Variants in EML6 observed in about 807,000 individuals in gnomAD.
EML6 encodes the protein EMAP like 6.
EML6 carries 154 observed loss-of-function variants against 240.1 expected under a neutral mutation model. The ratio of observed to expected loss-of-function variants is 0.64; its 90% CI spans 0.56 to 0.73. The LOEUF (loss-of-function observed/expected upper bound fraction) is 0.73, where lower values mean the gene tolerates loss of function less well. Ranked by LOEUF, EML6 falls within the 30% of genes least tolerant of loss-of-function variation. The pLI, the probability that EML6 is intolerant of heterozygous loss-of-function variation, is 0.00. For synonymous variants in EML6, 1,148 were observed against 899.0 expected, an observed-to-expected ratio of 1.28 and a Z score of -4.95; for missense variants, 2,964 against 2,474.6, an observed-to-expected ratio of 1.20 and a Z score of -4.20.
At chr2:54,873,970 G>A (rs1184081374) in intron 16 of EML6, among the ~76,000 whole-genome samples, 1 of 151,980 alleles carries the variant, frequency 6.6e-6, no homozygotes, top group African/African-American at 2.4e-5. Flanking sequence ...GACTGCAAAT[G>A]AGAATGTGCA....
intron 2 of EML6, among the ~76,000 whole-genome samples, chr2:54,776,904 T>C (rs953091242): frequency 6.6e-6 from 1 of 152,226 alleles, no homozygotes; most frequent in Admixed American, 6.5e-5. Flanking sequence ...ATGTGACTTA[T>C]GTCTTGTTTT....
At chr2:54,893,841 T>G (rs1021625501) in intron 19 of EML6, among the ~76,000 whole-genome samples, 21 of 152,072 alleles carry the variant, frequency 1.4e-4, no homozygotes, top group Admixed American at 2.6e-4. Context: ...AAGGTGTTGT[T>G]TTGTTTTGTT....
intron 41 of EML6, among the ~76,000 whole-genome samples, chr2:54,969,789 A>T (rs1276932282): frequency 6.6e-6 from 1 of 152,224 alleles, no homozygotes; most frequent in Non-Finnish European, 1.5e-5. Context: ...AACAGGAGAG[A>T]GTGTGATATC....
At chr2:54,943,040 G>T (rs924612443) in intron 28 of EML6, among the ~76,000 whole-genome samples, 1 of 152,084 alleles carries the variant, frequency 6.6e-6, no homozygotes, top group African/African-American at 2.4e-5. Flanking sequence ...CTGCCTGGCT[G>T]CTGCACATGG....
At chr2:54,955,823 G>A (rs563359101) in intron 32 of EML6, among the ~76,000 whole-genome samples, 4 of 152,154 alleles carry the variant, frequency 2.6e-5, no homozygotes, top group African/African-American at 7.2e-5. Context: ...GTGACCTATC[G>A]CTAGCCACCA....
At chr2:54,744,385 T>C (rs1683804155) in intron 2 of EML6, among the ~76,000 whole-genome samples, 1 of 151,988 alleles carries the variant, frequency 6.6e-6, no homozygotes, top group Non-Finnish European at 1.5e-5. Context: ...TGCAGGAACA[T>C]GTAGGTGATT....
At chr2:54,967,157 C>A in intron 39 of EML6, 54 bp downstream of exon 39, 1 of 1,131,516 alleles carries the variant, frequency 8.8e-7, no homozygotes, top group Non-Finnish European at 1.3e-6. Context: ...AGTCTCTTGT[C>A]TCACTCAGGC....
chr2:54,788,520 G>A (rs1332623354), intron 2 of EML6, among the ~76,000 whole-genome samples: 1 of 152,136 alleles, frequency 6.6e-6, no homozygotes, highest in Non-Finnish European at 1.5e-5. Flanking sequence ...ATCTGGGGCC[G>A]CCCCCCGCCC....
intron 36 of EML6, 61 bp downstream of exon 36, chr2:54,962,772 G>T: frequency 7.4e-7 from 1 of 1,346,096 alleles, no homozygotes; most frequent in East Asian, 2.7e-5. Context: ...AGTGGGAGCT[G>T]AGCGAGGAGA....
In EML6 at chr2:54,961,184, G is replaced by GTTGTTTTTTTTTTTTTGTTTTTTTT; in HGVS notation, c.4968+852_4968+853insGTTTTTTTTTTTTTGTTTTTTTTTT. ...GGAGCCTGGAAGTTATCAGGAAGTA[G>GTTGTTTTTTTTTTTTTGTTTTTTTT]TTTTTTTTTTTTTTTTTTTGAGACG... On this transcript the variant is annotated intron_variant, in intron 35 of 41. Coordinates refer to ENST00000356458, the MANE Select transcript of EML6 (RefSeq NM_001039753.4). 1.6e-4 allele frequency among the ~76,000 whole-genome samples: 9 copies of GTTGTTTTTTTTTTTTTGTTTTTTTT among 55,410 alleles called. 1 individual carries two copies. Among genetic ancestry groups the GTTGTTTTTTTTTTTTTGTTTTTTTT allele is most frequent in the South Asian group, 1.4e-3 (2 of 1,454 alleles). The allele number at this position is 55,410 out of a possible 152,430, so 36.4% of individuals were successfully genotyped here.
chr2:54,742,988 G>A (rs1683722877), intron 2 of EML6, among the ~76,000 whole-genome samples: 1 of 152,076 alleles, frequency 6.6e-6, no homozygotes, highest in African/African-American at 2.4e-5. Context: ...TCTGGCCACA[G>A]GAAAATCACT....
chr2:54,940,476 A>G (rs770304424), intron 28 of EML6, among the ~76,000 whole-genome samples: 30 of 152,216 alleles, frequency 2.0e-4, no homozygotes, highest in Non-Finnish European at 3.1e-4. Context: ...ACTGGATTAT[A>G]AACTGTGTAG....
At chr2:54,923,908 CT>C (rs1674401680) in intron 26 of EML6, among the ~76,000 whole-genome samples, 1 of 152,136 alleles carries the variant, frequency 6.6e-6, no homozygotes, top group Admixed American at 6.6e-5. Context: ...TATCCAGCTT[CT>C]TTCACTCAGA....
intron 2 of EML6, among the ~76,000 whole-genome samples, chr2:54,785,130 C>T (rs542414708): frequency 1.7e-4 from 26 of 149,496 alleles, no homozygotes; most frequent in Non-Finnish European, 3.1e-4. Flanking sequence ...ATGAAAAATA[C>T]GAGAGAACTT....
chr2:54,871,390 A>C (rs72808636), intron 15 of EML6, 110 bp from the exon 16 acceptor site: 2 of 784,208 alleles, frequency 2.6e-6, no homozygotes, highest in East Asian at 2.7e-5. Flanking sequence ...GGGTCCTTCT[A>C]TTCTCCAAAT....
rs987251424 is a variant in EML6 at position 54,879,564 on chromosome 2, G to T, written c.2362G>T (p.Val788Leu). The T allele has an allele frequency of 1.3e-6, 2 of 1,551,424 alleles. No individual in the cohort carries two copies. Among genetic ancestry groups the T allele is most frequent in the Non-Finnish European group, 1.7e-6 (2 of 1,146,596 alleles). The stretch of plus-strand genomic sequence containing the variant: ...TCATACAGCCGATGGAAAATGTCTG[G>T]TGTCGGTTGGTTTAGACGATTTTCA... ...LDFSADGKCL[V>L]SVGLDDFHSI... The change falls in exon 17 of 42, where the codon GTG becomes TTG. Residue 788 changes from valine (V) to leucine (L), a missense_variant. Val to Leu is a conservative substitution (Grantham distance 32). Transcript: ENST00000356458.
chr2:54,970,428 TA>T lies in EML6; in HGVS notation c.*335del, dbSNP rs1676939988. The T allele has an allele frequency of 3.3e-6, 1 of 304,380 alleles. No homozygotes were observed. The highest frequency in any genetic ancestry group is 6.2e-6 in the Non-Finnish European group (1 of 161,586). The allele number at this position is 304,380 out of a possible 1,614,324, so 18.9% of individuals were successfully genotyped here. A position where few individuals can be genotyped will look rare whatever the true frequency, so the allele number is the denominator to read the frequency against. On this transcript the variant is annotated 3_prime_UTR_variant, in exon 42 of 42. Transcript: ENST00000356458. ...ACGAATTTTGAAGCCTCGGTTACCC[TA>T]ACCAATATGTAGCTTTTAATTTGCA...
intron 2 of EML6, among the ~76,000 whole-genome samples, chr2:54,784,791 C>A (rs902180876): frequency 6.6e-6 from 1 of 152,070 alleles, no homozygotes; most frequent in African/African-American, 2.4e-5. Context: ...AGGTATTAAG[C>A]CCCACATGCT....
intron 2 of EML6, among the ~76,000 whole-genome samples, chr2:54,810,173 A>T (rs1293453069): frequency 6.6e-6 from 1 of 152,212 alleles, no homozygotes; most frequent in Non-Finnish European, 1.5e-5. Context: ...CTGTAAAGAG[A>T]TGATTTAACA....
Sources: gnomAD v4.1 joint callset for allele counts (sites outside exome capture counted in the v4.1 genomes callset) on GRCh38, gnomAD v4.1.1 for gene constraint, MANE v1.5 for transcripts, NCBI Gene and HGNC (gene_info 2026-07-23, HGNC 2026-07-21) for gene names.